The following CTNNA3 variants were observed in gnomAD, a reference collection of about 807,000 sequenced individuals.
The protein encoded by CTNNA3 is catenin alpha-3.
Under a neutral mutation model 95.7 loss-of-function variants are expected in CTNNA3, and 76 were observed. That is an observed-to-expected ratio of 0.79 (90% CI 0.66 to 0.96). The LOEUF (loss-of-function observed/expected upper bound fraction) is 0.96. Among genes scored for constraint, CTNNA3 ranks in the 40% least tolerant of loss-of-function variants. CTNNA3 has a pLI of 0.00. For missense variants in CTNNA3, 1,191 were observed against 1,089.8 expected (o/e 1.09, Z -1.31); for synonymous variants, 431 against 374.4 (o/e 1.15, Z -1.74).
chr10:67,722,666 C>G (rs1369054696), intron 1 of CTNNA3, among the ~76,000 whole-genome samples: 1 of 152,090 alleles, frequency 6.6e-6, no homozygotes, highest in East Asian at 1.9e-4. Context: ...GAAATGCTAT[C>G]TGAAAGAAAT....
chr10:67,489,237 A>C (rs1275635770), intron 5 of CTNNA3, among the ~76,000 whole-genome samples: 2 of 152,154 alleles, frequency 1.3e-5, no homozygotes, highest in Non-Finnish European at 2.9e-5. Flanking sequence ...TGCAGTAGTA[A>C]ATTATTTAAA....
intron 9 of CTNNA3, among the ~76,000 whole-genome samples, chr10:66,713,824 T>C (rs1848369826): frequency 6.6e-6 from 1 of 152,164 alleles, no homozygotes; most frequent in South Asian, 2.1e-4. Flanking sequence ...TTCATATATT[T>C]ACATATTTCA....
intron 7 of CTNNA3, among the ~76,000 whole-genome samples, chr10:67,079,319 T>C (rs902549999): frequency 6.6e-5 from 10 of 152,204 alleles, no homozygotes; most frequent in African/African-American, 2.4e-4. Context: ...AAGCCATGGC[T>C]TGGCTTGCTG....
chr10:66,805,771 A>C (rs990609630), intron 7 of CTNNA3, among the ~76,000 whole-genome samples: 14 of 152,016 alleles, frequency 9.2e-5, no homozygotes, highest in Admixed American at 3.9e-4. Flanking sequence ...AGCAGGAGAT[A>C]ATGTTTTGAA....
intron 11 of CTNNA3, among the ~76,000 whole-genome samples, chr10:66,396,550 C>T (rs959180279): frequency 5.3e-5 from 8 of 151,970 alleles, no homozygotes; most frequent in African/African-American, 1.7e-4. Context: ...TGTAAATGAA[C>T]TCAGTTTACA....
chr10:66,207,938 A>C (rs1350128885), intron 13 of CTNNA3, among the ~76,000 whole-genome samples: 1 of 152,124 alleles, frequency 6.6e-6, no homozygotes, highest in Non-Finnish European at 1.5e-5. Flanking sequence ...AAACAGCAAA[A>C]TACAAACTAG....
chr10:66,408,281 C>A (rs893002905), intron 11 of CTNNA3, among the ~76,000 whole-genome samples: 2 of 152,038 alleles, frequency 1.3e-5, no homozygotes, highest in African/African-American at 4.8e-5. Context: ...CCAGTTGTAC[C>A]TTTTAAATCT....
At chr10:67,376,739 T>C (rs1435695809) in intron 5 of CTNNA3, among the ~76,000 whole-genome samples, 3 of 152,160 alleles carry the variant, frequency 2.0e-5, no homozygotes, top group African/African-American at 4.8e-5. Flanking sequence ...TAAAAAGCTA[T>C]CAACCAGAGA....
chr10:67,239,271 A>C (rs1248477158), intron 5 of CTNNA3, among the ~76,000 whole-genome samples: 1 of 152,012 alleles, frequency 6.6e-6, no homozygotes, highest in Non-Finnish European at 1.5e-5. Flanking sequence ...CTAAAGACAC[A>C]GGCAAAAATG....
At chr10:67,092,388 A>T (rs926941511) in intron 7 of CTNNA3, among the ~76,000 whole-genome samples, 1 of 151,980 alleles carries the variant, frequency 6.6e-6, no homozygotes, top group Non-Finnish European at 1.5e-5. Context: ...GAAGGAAAAC[A>T]TGGCCTTTTT....
rs73306075 is a variant in CTNNA3 at position 65,980,957 on chromosome 10, G to A, written c.2265+7735C>T. Among the ~76,000 whole-genome samples, 197 of 152,020 alleles carry A rather than the reference G, an allele frequency of 1.3e-3. 1 individual carries two copies. Among genetic ancestry groups the A allele is most frequent in the African/African-American group, 3.0e-3 (126 of 41,538 alleles). On this transcript the variant is annotated intron_variant, in intron 16 of 17. Coordinates refer to ENST00000433211, the MANE Select transcript of CTNNA3 (RefSeq NM_013266.4). ...CAAGACAAGGATGACCACTTTCACC[G>A]TTTGTATTCAACAGGACTCTGGAAG...
At chr10:66,451,292 C>A (rs1263385394) in intron 11 of CTNNA3, among the ~76,000 whole-genome samples, 1 of 152,112 alleles carries the variant, frequency 6.6e-6, no homozygotes, top group Non-Finnish European at 1.5e-5. Context: ...TTATGCTTGA[C>A]ACGTGTCATT....
At chr10:66,372,735 T>G (rs1322744855) in intron 12 of CTNNA3, among the ~76,000 whole-genome samples, 1 of 152,078 alleles carries the variant, frequency 6.6e-6, no homozygotes, top group Non-Finnish European at 1.5e-5. Flanking sequence ...AGGCACCTCT[T>G]CACAGGGAGA....
At chr10:66,156,743 G>T (rs899695285) in intron 13 of CTNNA3, among the ~76,000 whole-genome samples, 1 of 151,888 alleles carries the variant, frequency 6.6e-6, no homozygotes, top group Non-Finnish European at 1.5e-5. Flanking sequence ...CCAAAGTGTG[G>T]TTAATGAGGT....
At chr10:66,077,277 C>T (rs1001950990) in intron 14 of CTNNA3, among the ~76,000 whole-genome samples, 2 of 151,662 alleles carry the variant, frequency 1.3e-5, no homozygotes, top group Non-Finnish European at 1.5e-5. Flanking sequence ...CTGTATTGTA[C>T]TAGTGATTAA....
chr10:66,309,421 A>ACG (rs2091976218), intron 12 of CTNNA3, among the ~76,000 whole-genome samples: 1 of 152,060 alleles, frequency 6.6e-6, no homozygotes, highest in Admixed American at 6.6e-5. Flanking sequence ...GGCCGGGTGC[A>ACG]GTGGCTCACG....
At chr10:66,142,618 A>T (rs1343103390) in intron 13 of CTNNA3, among the ~76,000 whole-genome samples, 1 of 152,074 alleles carries the variant, frequency 6.6e-6, no homozygotes, top group Non-Finnish European at 1.5e-5. Context: ...AACAGGATTT[A>T]AACAAGATCT....
chr10:66,178,696 T>C (rs1339472439), intron 13 of CTNNA3, among the ~76,000 whole-genome samples: 4 of 151,438 alleles, frequency 2.6e-5, no homozygotes, highest in African/African-American at 9.7e-5. Context: ...CAAGAATACA[T>C]AAAGACCTCT....
chr10:66,880,024 A>T (rs1470536191), intron 7 of CTNNA3, among the ~76,000 whole-genome samples: 2 of 152,114 alleles, frequency 1.3e-5, no homozygotes, highest in Non-Finnish European at 2.9e-5. Context: ...TTTAAAGAAG[A>T]TTGTTCTGGC....
Sources: allele counts gnomAD v4.1 joint callset (sites outside exome capture counted in the v4.1 genomes callset), GRCh38; gene constraint gnomAD v4.1.1; transcripts MANE v1.5; gene names NCBI Gene and HGNC (gene_info 2026-07-23, HGNC 2026-07-21).